The following CEP128 variants were observed in gnomAD, a reference collection of about 807,000 sequenced individuals.
CEP128 encodes centrosomal protein 128kDa.
CEP128 carries 132 observed loss-of-function variants against 156.7 expected under a neutral mutation model. That is an observed-to-expected ratio of 0.84 (90% CI 0.73 to 0.97). CEP128 has a LOEUF of 0.97. Among genes scored for constraint, CEP128 ranks in the 50% least tolerant of loss-of-function variants. CEP128 has a pLI of 0.00. For missense variants in CEP128, 1,252 were observed against 1,281.9 expected, an observed-to-expected ratio of 0.98 and a Z score of 0.36; for synonymous variants, 469 against 448.9, an observed-to-expected ratio of 1.04 and a Z score of -0.57.
chr14:80,939,215 C>T (rs958282578), intron 2 of CEP128, among the ~76,000 whole-genome samples, 170 bp downstream of exon 2: 3 of 152,174 alleles, frequency 2.0e-5, no homozygotes, highest in African/African-American at 7.2e-5. Context: ...CTACTTTGTT[C>T]ATCTGAATTT....
chr14:80,679,293 C>G (rs1896216285), intron 19 of CEP128, among the ~76,000 whole-genome samples: 1 of 152,118 alleles, frequency 6.6e-6, no homozygotes, highest in Non-Finnish European at 1.5e-5. Context: ...CAGAATAGAG[C>G]CACATTTTTC....
intron 16 of CEP128, among the ~76,000 whole-genome samples, chr14:80,762,119 C>T (rs1400178100): frequency 6.6e-6 from 1 of 152,024 alleles, no homozygotes; most frequent in Non-Finnish European, 1.5e-5. Flanking sequence ...ATTGCATTTA[C>T]CACATAAATG....
intron 22 of CEP128, among the ~76,000 whole-genome samples, chr14:80,527,480 T>A (rs1889031835): frequency 6.7e-6 from 1 of 149,814 alleles, no homozygotes; most frequent in African/African-American, 2.5e-5. Context: ...TCACTGTGGA[T>A]AAAACCATAA....
intron 13 of CEP128, among the ~76,000 whole-genome samples, chr14:80,818,977 G>A (rs1235213188): frequency 6.6e-6 from 1 of 152,176 alleles, no homozygotes; most frequent in Non-Finnish European, 1.5e-5. Context: ...AAGATTTAGA[G>A]TTCCCACTGT....
In CEP128 at chr14:80,743,139, C is replaced by T. The variant is rs756045231; in HGVS notation, c.2742G>A (p.Gln914=). The T allele has an allele frequency of 3.7e-6, 6 of 1,613,692 alleles. No individual in the cohort carries two copies. Among genetic ancestry groups the T allele is most frequent in the African/African-American group, 1.3e-5 (1 of 74,894 alleles). The change falls in exon 19 of 25, where the codon CAG becomes CAA. Residue 914 remains glutamine, a synonymous_variant. Coordinates refer to ENST00000555265, the MANE Select transcript of CEP128 (RefSeq NM_152446.5). Reference sequence around the variant, plus strand: ...GCCTTTCTATCTGTTGAAAGAGACACTGCAACTCAGATTCCTTGTTTTCAG... The same window carrying T: ...GCCTTTCTATCTGTTGAAAGAGACATTGCAACTCAGATTCCTTGTTTTCAG... ...NLTENKESEL[Q]CLFQQIERQE...
chr14:80,602,751 G>A (rs755379763), intron 19 of CEP128, among the ~76,000 whole-genome samples: 4 of 152,038 alleles, frequency 2.6e-5, no homozygotes, highest in Admixed American at 6.6e-5. Context: ...CAGCCTGGGT[G>A]ACAGAGCAAG....
chr14:80,620,627 A>G (rs1893439207), intron 19 of CEP128, among the ~76,000 whole-genome samples: 1 of 152,208 alleles, frequency 6.6e-6, no homozygotes, highest in African/African-American at 2.4e-5. Flanking sequence ...TTCTCTACCC[A>G]GGTAAACAAT....
intron 19 of CEP128, among the ~76,000 whole-genome samples, chr14:80,616,754 C>G (rs1893230744): frequency 6.6e-6 from 1 of 152,126 alleles, no homozygotes; most frequent in Non-Finnish European, 1.5e-5. Context: ...AATTTAGAAT[C>G]ATCAAGGTGT....
intron 22 of CEP128, among the ~76,000 whole-genome samples, chr14:80,530,050 T>C (rs1164565569): frequency 6.6e-6 from 1 of 152,216 alleles, no homozygotes; most frequent in Non-Finnish European, 1.5e-5. Flanking sequence ...ATAAGTTATA[T>C]TTTAAGGCCA....
chr14:80,617,780 C>A (rs2140633590), intron 19 of CEP128, among the ~76,000 whole-genome samples: 1 of 152,280 alleles, frequency 6.6e-6, no homozygotes, highest in East Asian at 1.9e-4. Flanking sequence ...GCCTGGGCAA[C>A]ATGGCGAGAC....
chr14:80,563,751 G>A (rs960102047), intron 20 of CEP128, among the ~76,000 whole-genome samples: 1 of 151,778 alleles, frequency 6.6e-6, no homozygotes, highest in Admixed American at 6.6e-5. Flanking sequence ...TAGCAAAGAT[G>A]GTCTTGATCT....
At chr14:80,493,585 T>G (rs1887396738), downstream of CEP128, among the ~76,000 whole-genome samples, 3 of 152,124 alleles carry the variant, frequency 2.0e-5, no homozygotes, top group African/African-American at 7.2e-5. Context: ...ACCACAGAAG[T>G]ATCCCTAGGG....
rs373690321 is a variant in CEP128, at chr14:80,675,261, A to C, written c.2806+67814T>G. Among the ~76,000 whole-genome samples the C allele has an allele frequency of 2.0e-5, 3 of 152,222 alleles. No individual in the cohort carries two copies. In the East Asian group the frequency reaches 5.8e-4, roughly 29 times the overall value. ...GTTATTATCAATGTTGATTCTAAGA[A>C]TATTCTTGTACATACCACTGTTAGA... is the stretch of plus-strand genomic sequence containing the variant. On this transcript the variant is annotated intron_variant, in intron 19 of 24. Coordinates refer to ENST00000555265, the MANE Select transcript of CEP128 (RefSeq NM_152446.5).
intron 13 of CEP128, among the ~76,000 whole-genome samples, chr14:80,805,844 A>T (rs1595430803): frequency 1.3e-5 from 2 of 152,206 alleles, no homozygotes; most frequent in African/African-American, 4.8e-5. Context: ...TTAGGCTGTC[A>T]TTCATTGAGA....
chr14:80,815,777 C>A (rs887954823), intron 13 of CEP128, among the ~76,000 whole-genome samples: 1 of 152,152 alleles, frequency 6.6e-6, no homozygotes, highest in Non-Finnish European at 1.5e-5. Flanking sequence ...TCTTTTGCAA[C>A]AACATGGATG....
At chr14:80,790,704 A>G (rs887474868) in intron 14 of CEP128, among the ~76,000 whole-genome samples, 3 of 152,184 alleles carry the variant, frequency 2.0e-5, no homozygotes, top group African/African-American at 7.2e-5. Flanking sequence ...GCAGGAAAAA[A>G]GAAATAAATC....
intron 14 of CEP128, among the ~76,000 whole-genome samples, chr14:80,789,173 C>A (rs1901576145): frequency 6.6e-6 from 1 of 151,992 alleles, no homozygotes; most frequent in Non-Finnish European, 1.5e-5. Flanking sequence ...GTGATGAGAA[C>A]AACATCAAAG....
At chr14:80,675,538 A>G (rs1660714270) in intron 19 of CEP128, among the ~76,000 whole-genome samples, 1 of 152,036 alleles carries the variant, frequency 6.6e-6, no homozygotes, top group Non-Finnish European at 1.5e-5. Context: ...ATTTCTTCCT[A>G]AGATTATTGG....
At chr14:80,576,861 A>G (rs944312983) in intron 20 of CEP128, among the ~76,000 whole-genome samples, 3 of 152,172 alleles carry the variant, frequency 2.0e-5, no homozygotes, top group Non-Finnish European at 4.4e-5. Context: ...ACAAAAAATT[A>G]TTGAGTACCC....
Sources: allele counts gnomAD v4.1 joint callset (sites outside exome capture counted in the v4.1 genomes callset), GRCh38; gene constraint gnomAD v4.1.1; transcripts MANE v1.5; gene names NCBI Gene and HGNC (gene_info 2026-07-23, HGNC 2026-07-21).